Variants in DPP8 observed in about 807,000 individuals in gnomAD.
DPP8 encodes DPP VIII.
Under a neutral mutation model 107.5 loss-of-function variants are expected in DPP8, and 31 were observed. The observed-to-expected ratio is 0.29, with a 90% CI of 0.22 to 0.39. The LOEUF is 0.39. DPP8 is among the 10% of genes least tolerant of loss of function. The probability of loss-of-function intolerance (pLI) is 1.00; values close to 1 mark genes in which losing one functional copy is unlikely to be tolerated. For synonymous variants in DPP8, 381 were observed against 356.6 expected, an observed-to-expected ratio of 1.07 and a Z score of -0.77; for missense variants, 842 against 1,076.1, an observed-to-expected ratio of 0.78 and a Z score of 3.04.
chr15:65,478,773 A>G (rs2066635240), intron 11 of DPP8, 107 bp downstream of exon 11: 6 of 738,346 alleles, frequency 8.1e-6, no homozygotes, highest in Non-Finnish European at 1.1e-5. Flanking sequence ...AAGTTTAACA[A>G]AGCAAGTATT....
chr15:65,501,478 C>T (rs996267865), intron 3 of DPP8, among the ~76,000 whole-genome samples: 1 of 152,158 alleles, frequency 6.6e-6, no homozygotes, highest in Admixed American at 6.5e-5. Context: ...AGAAGTCTAA[C>T]CTTGAGAAAG....
intron 2 of DPP8, among the ~76,000 whole-genome samples, chr15:65,508,777 G>A (rs914905714): frequency 1.4e-4 from 22 of 151,898 alleles, no homozygotes; most frequent in Admixed American, 5.2e-4. Flanking sequence ...ACTTGAACCC[G>A]GGAGGCAGAG....
intron 8 of DPP8, 53 bp from the exon 9 acceptor site, chr15:65,481,668 T>C: frequency 3.7e-6 from 4 of 1,069,678 alleles, no homozygotes; most frequent in Non-Finnish European, 5.3e-6. Context: ...AGATAAATAA[T>C]TAGCTTGCTA....
intron 14 of DPP8, among the ~76,000 whole-genome samples, chr15:65,465,888 T>C (rs1342694013): frequency 2.0e-5 from 3 of 152,072 alleles, no homozygotes; most frequent in South Asian, 2.1e-4. Flanking sequence ...AAATCAAATA[T>C]TTTAAACAAA....
intron 12 of DPP8, among the ~76,000 whole-genome samples, chr15:65,469,039 G>C (rs568443353): frequency 5.9e-5 from 9 of 151,922 alleles, no homozygotes; most frequent in Non-Finnish European, 1.0e-4. Flanking sequence ...GCAGTGGCGC[G>C]ATCTCGGCTC....
chr15:65,482,441 C>T (rs559053045), intron 8 of DPP8, among the ~76,000 whole-genome samples: 71 of 152,114 alleles, frequency 4.7e-4, no homozygotes, highest in African/African-American at 1.6e-3. Flanking sequence ...ACCACCACGC[C>T]CAGCTAATTT....
At position 65,490,155 on chromosome 15, in the gene DPP8, T is replaced by C. The variant is rs192544964; in HGVS notation, c.826+34A>G. On this transcript the variant is annotated intron_variant, in intron 6 of 19. Transcript: ENST00000300141. ...CAGTTGAATCTTAACAATACTTTAA[T>C]TGACCCATAATATATTATTTTGAAC... is the stretch of plus-strand genomic sequence containing the variant. The C allele has an allele frequency of 5.7e-3, 5,977 of 1,043,102 alleles. 36 individuals are homozygous for C. The highest frequency in any genetic ancestry group is 7.0e-3 in the South Asian group (547 of 78,004). 64.6% of individuals were successfully genotyped at this position (1,043,102 alleles called of 1,614,324 possible).
chr15:65,494,961 C>T (rs972610087), intron 5 of DPP8, among the ~76,000 whole-genome samples: 1 of 152,096 alleles, frequency 6.6e-6, no homozygotes, highest in Admixed American at 6.6e-5. Context: ...AACAACTTAT[C>T]GACAATATGA....
At chr15:65,474,733 T>A (rs1245087648) in intron 11 of DPP8, among the ~76,000 whole-genome samples, 1 of 152,224 alleles carries the variant, frequency 6.6e-6, no homozygotes, top group Admixed American at 6.6e-5. Flanking sequence ...CCTCTCAAAG[T>A]GCTGGGATTA....
chr15:65,476,519 C>T (rs561064948), intron 11 of DPP8, among the ~76,000 whole-genome samples: 29 of 152,160 alleles, frequency 1.9e-4, no homozygotes, highest in African/African-American at 6.7e-4. Flanking sequence ...CAACTATCAT[C>T]CGAACGTAGA....
chr15:65,488,483 C>T (rs2067654557), intron 6 of DPP8, among the ~76,000 whole-genome samples: 1 of 151,390 alleles, frequency 6.6e-6, no homozygotes, highest in Non-Finnish European at 1.5e-5. Flanking sequence ...TGGCTTGTGC[C>T]TGTAGTCCCA....
intron 12 of DPP8, among the ~76,000 whole-genome samples, chr15:65,473,535 G>A (rs1194934556): frequency 6.6e-6 from 1 of 151,960 alleles, no homozygotes; most frequent in African/African-American, 2.4e-5. Flanking sequence ...TTGTCGTGGT[G>A]GCGTACACCT....
intron 11 of DPP8, chr15:65,475,603 A>G: frequency 9.5e-7 from 1 of 1,049,574 alleles, no homozygotes. Flanking sequence ...AGGTAGCCAT[A>G]TCAGCTATTT....
At position 65,463,743 on chromosome 15, in the gene DPP8, G is replaced by A; in HGVS notation, c.1971+18C>T. 2 of 1,588,718 alleles carry A rather than the reference G, an allele frequency of 1.3e-6. No homozygotes were observed. Among genetic ancestry groups the A allele is most frequent in the Middle Eastern group, 1.7e-4 (1 of 6,010 alleles). On this transcript the variant is annotated intron_variant, in intron 15 of 19. Coordinates refer to ENST00000300141, the MANE Select transcript of DPP8 (RefSeq NM_130434.5). ...TATGCATATGGGTGTATGTATATAT[G>A]TATATAAATATGCCCACCTGAGGAC... is the stretch of plus-strand genomic sequence containing the variant.
intron 19 of DPP8, among the ~76,000 whole-genome samples, chr15:65,448,728 T>C (rs1181040336): frequency 1.6e-5 from 2 of 122,696 alleles, no homozygotes; most frequent in African/African-American, 7.2e-5. Context: ...ATATATAAAA[T>C]ATACATATAT....
intron 11 of DPP8, among the ~76,000 whole-genome samples, chr15:65,474,512 G>A (rs753506412): frequency 6.6e-6 from 1 of 152,076 alleles, no homozygotes; most frequent in Non-Finnish European, 1.5e-5. Flanking sequence ...AGACAGTCTC[G>A]CTCTGTTGCT....
At chr15:65,472,110 T>C (rs2065948224) in intron 12 of DPP8, among the ~76,000 whole-genome samples, 1 of 152,132 alleles carries the variant, frequency 6.6e-6, no homozygotes. Context: ...TTCACTGAAT[T>C]GGTACTGAGA....
rs1035750588 is a variant in DPP8 at position 65,467,281 on chromosome 15, C to A, written c.1537-58G>T. 2.5e-5 allele frequency: 39 copies of A among 1,567,262 alleles called. 1 individual carries two copies. The South Asian group carries it at 4.0e-4, about 16-fold the overall frequency. ...CTAACATGACCTTGGCAAAGCTAAC[C>A]CCCAATTTTATTTACAATCACTTGA... is the stretch of plus-strand genomic sequence containing the variant. On this transcript the variant is annotated intron_variant, in intron 12 of 19. Transcript: ENST00000300141.
At chr15:65,474,894 T>C (rs1419577476) in intron 11 of DPP8, among the ~76,000 whole-genome samples, 1 of 152,218 alleles carries the variant, frequency 6.6e-6, no homozygotes, top group Non-Finnish European at 1.5e-5. Flanking sequence ...ATTTAGGTAA[T>C]GCAAAAACAG....
Sources: allele counts gnomAD v4.1 joint callset (sites outside exome capture counted in the v4.1 genomes callset), GRCh38; gene constraint gnomAD v4.1.1; transcripts MANE v1.5; gene names NCBI Gene and HGNC (gene_info 2026-07-23, HGNC 2026-07-21).